Variants in DZIP3 observed in about 807,000 individuals in gnomAD.
DZIP3 encodes the protein E3 ubiquitin-protein ligase DZIP3.
A neutral mutation model predicts 162.0 loss-of-function variants in DZIP3; 118 were observed. The ratio of observed to expected loss-of-function variants is 0.73; its 90% CI spans 0.63 to 0.85. The LOEUF is 0.85. DZIP3 is among the 40% of genes least tolerant of loss of function. DZIP3 has a pLI of 0.00. For missense variants in DZIP3, 1,331 were observed against 1,407.0 expected (o/e 0.95, Z 0.86); for synonymous variants, 438 against 458.6 (o/e 0.96, Z 0.57).
At chr3:108,671,754 T>A (rs913253069) in intron 22 of DZIP3, among the ~76,000 whole-genome samples, 1 of 150,586 alleles carries the variant, frequency 6.6e-6, no homozygotes, top group African/African-American at 2.4e-5. Context: ...ATTTATTTAT[T>A]AGTGCTTATT....
chr3:108,651,268 G>A (rs1449212145), intron 18 of DZIP3, 106 bp downstream of exon 18: 3 of 350,698 alleles, frequency 8.6e-6, no homozygotes, highest in African/African-American at 2.2e-5. Flanking sequence ...CTCACTAAGA[G>A]AAGAAGGATA....
chr3:108,638,269 T>C (rs6808986), intron 12 of DZIP3, among the ~76,000 whole-genome samples: 2,106 of 152,244 alleles, frequency 0.014, 50 homozygotes, highest in African/African-American at 0.048. Flanking sequence ...GATCTTTCTT[T>C]CTAACACTGC....
At chr3:108,622,847 TC>T (rs1941418804) in intron 5 of DZIP3, among the ~76,000 whole-genome samples, 1 of 89,542 alleles carries the variant, frequency 1.1e-5, no homozygotes, top group East Asian at 2.3e-4. Flanking sequence ...TCTCTCTCTC[TC>T]TCTCTCTCTC....
intron 25 of DZIP3, 53 bp from the exon 26 acceptor site, chr3:108,677,444 T>A: frequency 7.0e-7 from 1 of 1,427,056 alleles, no homozygotes; most frequent in Non-Finnish European, 9.9e-7. Context: ...TCCCATATGC[T>A]GTCTCTTTAA....
At chr3:108,664,295 T>A (rs919590914) in intron 21 of DZIP3, among the ~76,000 whole-genome samples, 1 of 152,212 alleles carries the variant, frequency 6.6e-6, no homozygotes, top group Non-Finnish European at 1.5e-5. Flanking sequence ...ATACCCACCG[T>A]ACTGCAGCCA....
intron 8 of DZIP3, among the ~76,000 whole-genome samples, chr3:108,630,762 T>G (rs535245563): frequency 9.2e-5 from 14 of 152,126 alleles, no homozygotes; most frequent in African/African-American, 3.1e-4. Flanking sequence ...TTTTATTTTA[T>G]GCACAATAAT....
At chr3:108,689,677 A>G (rs746391365) in intron 31 of DZIP3, among the ~76,000 whole-genome samples, 14 of 151,872 alleles carry the variant, frequency 9.2e-5, no homozygotes, top group Non-Finnish European at 2.1e-4. Context: ...ATAGAGTGAG[A>G]CTCCATCTCA....
intron 10 of DZIP3, among the ~76,000 whole-genome samples, chr3:108,635,729 G>A (rs981018914): frequency 2.0e-5 from 3 of 149,610 alleles, no homozygotes; most frequent in African/African-American, 7.3e-5. Flanking sequence ...AGAGTTGTTT[G>A]CCACTAATAT....
intron 8 of DZIP3, among the ~76,000 whole-genome samples, chr3:108,632,588 A>G (rs991666818): frequency 6.6e-6 from 1 of 152,222 alleles, no homozygotes; most frequent in Non-Finnish European, 1.5e-5. Context: ...CTTGGACACC[A>G]GTGATTTATT....
intron 5 of DZIP3, among the ~76,000 whole-genome samples, chr3:108,620,395 C>G (rs987922145): frequency 5.3e-5 from 8 of 152,182 alleles, no homozygotes; most frequent in African/African-American, 1.9e-4. Context: ...TTAGGGAACA[C>G]TGCCAAAATT....
At chr3:108,666,280 A>T (rs986203438) in intron 21 of DZIP3, among the ~76,000 whole-genome samples, 1 of 152,164 alleles carries the variant, frequency 6.6e-6, no homozygotes, top group South Asian at 2.1e-4. Flanking sequence ...GATTAAATGG[A>T]CTTCAGAAGA....
chr3:108,641,031 C>T (rs1942378309), intron 12 of DZIP3, among the ~76,000 whole-genome samples: 1 of 151,076 alleles, frequency 6.6e-6, no homozygotes, highest in Non-Finnish European at 1.5e-5. Flanking sequence ...TTTTAGTTTT[C>T]CCTATCTGTC....
rs1840275 is a variant in DZIP3 at position 108,661,631 on chromosome 3, A to G, written c.2200-246A>G. 2.4e-3 allele frequency among the ~76,000 whole-genome samples: 369 copies of G among 151,814 alleles called. 4 individuals are homozygous for G. Among genetic ancestry groups the G allele is most frequent in the African/African-American group, 8.7e-3 (357 of 41,126 alleles). On this transcript the variant is annotated intron_variant, in intron 19 of 32. Transcript: ENST00000361582. ...GCACATGTACCCTAAAACTTAAAGT[A>G]TAATAATTAAAAAAAAAGAAATGGT...
At chr3:108,631,065 T>TA (rs1941859339) in intron 8 of DZIP3, among the ~76,000 whole-genome samples, 1 of 72,118 alleles carries the variant, frequency 1.4e-5, no homozygotes, top group Non-Finnish European at 3.0e-5. Flanking sequence ...ACTCTCTCTC[T>TA]CTCTCTCTCT....
intron 11 of DZIP3, 130 bp downstream of exon 11, chr3:108,636,838 C>A: frequency 1.6e-6 from 1 of 614,716 alleles, no homozygotes; most frequent in Non-Finnish European, 2.8e-6. Context: ...GGTGACTGAG[C>A]TCTTGAACCT....
At chr3:108,637,595 AT>A in intron 12 of DZIP3, 47 bp downstream of exon 12, 1 of 1,533,098 alleles carries the variant, frequency 6.5e-7, no homozygotes, top group African/African-American at 1.4e-5. Context: ...GAATATGCAT[AT>A]ATTTTTTGGT....
At position 108,694,796 on chromosome 3, in the gene DZIP3, C is replaced by T. The variant is rs1254462625; in HGVS notation, c.*1443C>T. The T allele has an allele frequency of 6.6e-6, 1 of 152,154 alleles. No individual in the cohort carries two copies. The highest frequency in any genetic ancestry group is 1.5e-5 in the Non-Finnish European group (1 of 68,020). The allele number at this position is 152,154 out of a possible 1,614,324, so 9.4% of individuals were successfully genotyped here. A position where few individuals can be genotyped will look rare whatever the true frequency, so the allele number is the denominator to read the frequency against. On this transcript the variant is annotated 3_prime_UTR_variant, in exon 33 of 33. Transcript: ENST00000361582. ...GTTTCTTAGTTCATACTTACAACTG[C>T]AATTTCACTTTCATTTAGAAAAGAA...
At chr3:108,616,029 C>A (rs1007520236) in intron 4 of DZIP3, among the ~76,000 whole-genome samples, 5 of 152,154 alleles carry the variant, frequency 3.3e-5, no homozygotes, top group Admixed American at 2.6e-4. Context: ...CTTTAGGAGG[C>A]CAAGGCAGGC....
chr3:108,599,171 A>G (rs1455111216), intron 1 of DZIP3, among the ~76,000 whole-genome samples: 2 of 152,180 alleles, frequency 1.3e-5, no homozygotes, highest in Non-Finnish European at 2.9e-5. Flanking sequence ...AAGCAGATAT[A>G]TTGCTAACAG....
Sources: gnomAD v4.1 joint callset for allele counts (sites outside exome capture counted in the v4.1 genomes callset) on GRCh38, gnomAD v4.1.1 for gene constraint, MANE v1.5 for transcripts, NCBI Gene and HGNC (gene_info 2026-07-23, HGNC 2026-07-21) for gene names.